The following KLF12 variants were observed in gnomAD, a reference collection of about 807,000 sequenced individuals.
KLF12 encodes the protein Krueppel-like factor 12.
KLF12 carries 9 observed loss-of-function variants against 37.8 expected under a neutral mutation model. The ratio of observed to expected loss-of-function variants is 0.24; its 90% CI spans 0.14 to 0.42. The LOEUF (loss-of-function observed/expected upper bound fraction) is 0.42. Ranked by LOEUF, KLF12 falls within the 10% of genes least tolerant of loss-of-function variation. The pLI, the probability that KLF12 is intolerant of heterozygous loss-of-function variation, is 1.00. For missense variants in KLF12, 411 were observed against 516.0 expected (o/e 0.80, Z 1.97); for synonymous variants, 208 against 202.1 (o/e 1.03, Z -0.25).
the KLF12 span, among the ~76,000 whole-genome samples, chr13:74,148,684 T>C: frequency 6.6e-6 from 1 of 152,184 alleles, no homozygotes; most frequent in Admixed American, 6.5e-5. Context: ...TTTAGCACCT[T>C]GTCCTCCTTG....
intron 5 of KLF12, among the ~76,000 whole-genome samples, chr13:73,785,366 C>T (rs73531637): frequency 2.0e-5 from 3 of 151,892 alleles, no homozygotes; most frequent in Non-Finnish European, 4.4e-5. Context: ...CGCTCACCTC[C>T]GTCTCCCAAA....
At chr13:73,837,379 A>C (rs1304667047) in intron 4 of KLF12, among the ~76,000 whole-genome samples, 1 of 152,230 alleles carries the variant, frequency 6.6e-6, no homozygotes, top group African/African-American at 2.4e-5. Flanking sequence ...GGCATTTCAG[A>C]TAAACAAGAG....
intron 3 of KLF12, among the ~76,000 whole-genome samples, chr13:73,915,938 C>T (rs1049173957): frequency 3.3e-5 from 5 of 151,960 alleles, no homozygotes; most frequent in Non-Finnish European, 5.9e-5. Flanking sequence ...CTCAGCTCTC[C>T]ACAAAGACTT....
At chr13:73,816,838 A>G (rs766112943) in intron 4 of KLF12, among the ~76,000 whole-genome samples, 3 of 152,190 alleles carry the variant, frequency 2.0e-5, no homozygotes, top group Non-Finnish European at 2.9e-5. Flanking sequence ...TATAGGAGAC[A>G]TGCTGCTCAG....
intron 3 of KLF12, among the ~76,000 whole-genome samples, chr13:73,913,533 C>A (rs9530259): frequency 6.6e-6 from 1 of 151,832 alleles, no homozygotes; most frequent in Non-Finnish European, 1.5e-5. Context: ...TCCTTCCTAC[C>A]AATACAATGA....
intron 1 of KLF12, among the ~76,000 whole-genome samples, chr13:74,054,786 T>C (rs1873145781): frequency 6.6e-6 from 1 of 152,236 alleles, no homozygotes; most frequent in South Asian, 2.1e-4. Flanking sequence ...GAATTGCTTG[T>C]ACCTCATTTT....
chr13:73,727,016 T>G (rs1334763690), intron 6 of KLF12, among the ~76,000 whole-genome samples: 1 of 152,228 alleles, frequency 6.6e-6, no homozygotes, highest in Admixed American at 6.5e-5. Flanking sequence ...GTAGTTTTGA[T>G]GAGCATTTCC....
chr13:73,730,304 C>T (rs1352232885), intron 6 of KLF12, among the ~76,000 whole-genome samples: 2 of 152,122 alleles, frequency 1.3e-5, no homozygotes, highest in Non-Finnish European at 2.9e-5. Flanking sequence ...CAACTGTACG[C>T]AAAAGAAGAA....
chr13:73,736,054 C>T (rs1047956883), intron 6 of KLF12, among the ~76,000 whole-genome samples: 6 of 151,998 alleles, frequency 3.9e-5, no homozygotes, highest in African/African-American at 1.5e-4. Flanking sequence ...TCCTCTCTCA[C>T]CTATGCTATC....
At chr13:73,872,370 T>G (rs1251380932) in intron 3 of KLF12, among the ~76,000 whole-genome samples, 1 of 152,210 alleles carries the variant, frequency 6.6e-6, no homozygotes, top group East Asian at 1.9e-4. Flanking sequence ...TCAAAACTAT[T>G]AGTTTCATTC....
intron 1 of KLF12, among the ~76,000 whole-genome samples, chr13:74,084,510 T>A (rs1875134074): frequency 6.6e-6 from 1 of 152,162 alleles, no homozygotes; most frequent in African/African-American, 2.4e-5. Flanking sequence ...CACGAAACAT[T>A]TACCATGATA....
chr13:73,827,323 C>G (rs186498726), intron 4 of KLF12, among the ~76,000 whole-genome samples: 126 of 152,246 alleles, frequency 8.3e-4, no homozygotes, highest in African/African-American at 2.9e-3. Context: ...CCAAATATTG[C>G]CAAATTGATC....
chr13:73,817,863 T>C (rs1883318428), intron 4 of KLF12, among the ~76,000 whole-genome samples: 1 of 152,264 alleles, frequency 6.6e-6, no homozygotes, highest in Non-Finnish European at 1.5e-5. Context: ...GACTGTTGTC[T>C]GATTCTGGAA....
At chr13:74,148,938 T>A in the KLF12 span, among the ~76,000 whole-genome samples, 1 of 152,030 alleles carries the variant, frequency 6.6e-6, no homozygotes, top group Non-Finnish European at 1.5e-5. Flanking sequence ...CCTCAGCCTC[T>A]CTAGTAGCTG....
intron 7 of KLF12, among the ~76,000 whole-genome samples, chr13:73,697,829 G>C (rs1229876824): frequency 6.6e-6 from 1 of 152,158 alleles, no homozygotes; most frequent in African/African-American, 2.4e-5. Flanking sequence ...AGTATAGAAG[G>C]ACGTGTCTTG....
At chr13:73,785,116 TA>T (rs1449463087) in intron 5 of KLF12, among the ~76,000 whole-genome samples, 2 of 120,068 alleles carry the variant, frequency 1.7e-5, no homozygotes, top group East Asian at 2.7e-4. Flanking sequence ...TGTAATTATC[TA>T]ATTTTTTTTT....
At chr13:73,696,501 T>C (rs1170243227) in intron 7 of KLF12, among the ~76,000 whole-genome samples, 1 of 152,178 alleles carries the variant, frequency 6.6e-6, no homozygotes, top group Non-Finnish European at 1.5e-5. Context: ...GGGACAATAG[T>C]TGACCCAGGT....
At chr13:74,123,073 A>C (rs1433184484) in intron 1 of KLF12, among the ~76,000 whole-genome samples, 1 of 152,024 alleles carries the variant, frequency 6.6e-6, no homozygotes, top group Non-Finnish European at 1.5e-5. Flanking sequence ...TTTGCAAAAC[A>C]ATGCTTATTT....
At chr13:74,268,578 T>G in the KLF12 span, among the ~76,000 whole-genome samples, 22 of 152,316 alleles carry the variant, frequency 1.4e-4, no homozygotes, top group African/African-American at 5.3e-4. Flanking sequence ...TTGGAGGATC[T>G]CTTACAGTTT....
Sources: allele counts gnomAD v4.1 joint callset (sites outside exome capture counted in the v4.1 genomes callset), GRCh38; gene constraint gnomAD v4.1.1; transcripts MANE v1.5; gene names NCBI Gene and HGNC (gene_info 2026-07-23, HGNC 2026-07-21).